U2AF1L4: variants seen among roughly 807,000 people sequenced by gnomAD.
The protein encoded by U2AF1L4 is U2 small nuclear RNA auxiliary factor 1 like 4.
A neutral mutation model predicts 21.7 loss-of-function variants in U2AF1L4; 21 were observed. The observed-to-expected ratio is 0.97, with a 90% CI of 0.69 to 1.39. The LOEUF is 1.39. Ranked by LOEUF, U2AF1L4 falls within the 40% of genes most tolerant of loss-of-function variation. The pLI is 0.00. For synonymous variants in U2AF1L4, 92 were observed against 89.7 expected (o/e 1.03, Z -0.15); for missense variants, 259 against 245.7 (o/e 1.05, Z -0.36).
chr19:35,743,620 G>A (rs950459241), intron 5 of U2AF1L4, 189 bp downstream of exon 5: 5 of 629,396 alleles, frequency 7.9e-6, no homozygotes, highest in African/African-American at 1.9e-5. Flanking sequence ...CCGGGAGGCG[G>A]AAGTTGCCAT....
At chr19:35,745,271 AACACCGCCCC>A in intron 1 of U2AF1L4, 59 bp from the exon 2 acceptor site, 2 of 1,601,734 alleles carry the variant, frequency 1.2e-6, no homozygotes, top group South Asian at 2.2e-5. Flanking sequence ...GCACCCCAGA[AACACCGCCCC>A]ACCACCCAGG....
chr19:35,744,701 A>C, intron 2 of U2AF1L4: 1 of 1,536,046 alleles, frequency 6.5e-7, no homozygotes, highest in South Asian at 1.2e-5. Flanking sequence ...GTCTGCACAG[A>C]ATTTAAAAGG....
At position 35,743,797 on chromosome 19, in the gene U2AF1L4, G is replaced by T; in HGVS notation, c.461+12C>A. 5 of 1,603,710 alleles carry T rather than the reference G, an allele frequency of 3.1e-6. No homozygotes were observed. The highest frequency in any genetic ancestry group is 4.3e-6 in the Non-Finnish European group (5 of 1,175,054). On this transcript the variant is annotated intron_variant, in intron 5 of 5. Transcript: ENST00000378975. The stretch of plus-strand genomic sequence containing the variant: ...GGACATGAGGAGACATAGCAGGCTG[G>T]TCCTGAGGTACCTGCGCCTGGGTCC...
At position 35,745,135 on chromosome 19, in the gene U2AF1L4, G is replaced by A; in HGVS notation, c.122C>T (p.Thr41Ile). The change falls in exon 2 of 6, where the codon ACA (threonine) becomes ATA (isoleucine). Residue 41 changes from threonine (T) to isoleucine (I), a missense_variant. Coordinates refer to ENST00000378975, the MANE Select transcript of U2AF1L4 (RefSeq NM_001040425.3). Reference sequence around the variant, plus strand: ...CGTGCCGGGTCTCACCTGGCTGAATGTCGGCTTGTTGTGAAGCCGGGAGCA... The same window carrying A: ...CGTGCCGGGTCTCACCTGGCTGAATATCGGCTTGTTGTGAAGCCGGGAGCA... ...DRCSRLHNKP[T>I]FSQEVFTELQ... The A allele has an allele frequency of 1.2e-6, 2 of 1,613,388 alleles. No individual in the cohort carries two copies. The highest frequency in any genetic ancestry group is 2.2e-5 in the East Asian group (1 of 44,878).
Position 35,743,736 on chromosome 19 carries a change from T to C in U2AF1L4, c.461+73A>G, listed in dbSNP as rs1482643591. The C allele has an allele frequency of 3.3e-6, 4 of 1,228,918 alleles. 1 individual carries two copies. Among genetic ancestry groups the C allele is most frequent in the Admixed American group, 3.9e-5 (2 of 50,932 alleles). The allele number at this position is 1,228,918 out of a possible 1,614,324, so 76.1% of individuals were successfully genotyped here. ...TTCTTGGGAACGTGGTTACTGGGGC[T>C]TAGGGTTAGGCTCATCTGAGGATAT... On this transcript the variant is annotated intron_variant, in intron 5 of 5. Coordinates refer to ENST00000378975, the MANE Select transcript of U2AF1L4 (RefSeq NM_001040425.3).
Position 35,742,808 on chromosome 19 carries a change from G to A in U2AF1L4, c.462-5C>T, listed in dbSNP as rs560222875. The A allele has an allele frequency of 2.5e-6, 4 of 1,609,150 alleles. No homozygotes were observed. The highest frequency in any genetic ancestry group is 1.3e-5 in the African/African-American group (1 of 74,946). On this transcript the variant is annotated splice_polypyrimidine_tract_variant and splice_region_variant and intron_variant, in intron 5 of 5. Transcript: ENST00000378975. ...GTATGGAACCTCGGGGGTGACCTGGGAATAGGAGCGTTGAGAGTTCTGTTA... is the reference window on the plus strand; with the variant it reads ...GTATGGAACCTCGGGGGTGACCTGGAAATAGGAGCGTTGAGAGTTCTGTTA...
At chr19:35,744,452 C>T in intron 2 of U2AF1L4, 31 bp from the exon 3 acceptor site, 1 of 1,613,746 alleles carries the variant, frequency 6.2e-7, no homozygotes, top group Non-Finnish European at 8.5e-7. Flanking sequence ...CTCAGCTGAG[C>T]TCCCACAAGA....
rs747653828 is a variant in U2AF1L4, at chr19:35,742,774, T to C, written c.491A>G (p.His164Arg). 9.9e-6 allele frequency: 16 copies of C among 1,610,570 alleles called. No individual in the cohort carries two copies. Among genetic ancestry groups the C allele is most frequent in the Non-Finnish European group, 1.4e-5 (16 of 1,179,366 alleles). The change falls in exon 6 of 6, where the codon CAT (histidine) becomes CGT (arginine). Residue 164 changes from histidine (H) to arginine (R), a missense_variant. Coordinates refer to ENST00000378975, the MANE Select transcript of U2AF1L4 (RefSeq NM_001040425.3). ...ACACCGATGGTTCCTCTCTCGGGGA[T>C]GGTGGCCAGTATGGAACCTCGGGGG... Reference protein sequence around the residue: ...RSPPRFHTGHHPRERNHRCSP... With the variant: ...RSPPRFHTGHRPRERNHRCSP...
intron 5 of U2AF1L4, 146 bp downstream of exon 5, chr19:35,743,663 G>T: frequency 1.3e-6 from 1 of 771,772 alleles, no homozygotes; most frequent in Non-Finnish European, 2.1e-6. Flanking sequence ...CTCCAGCCTG[G>T]GCAACAGAGT....
At chr19:35,743,628 CA>C (rs1970390097) in intron 5 of U2AF1L4, 180 bp downstream of exon 5, 2 of 643,434 alleles carry the variant, frequency 3.1e-6, no homozygotes, top group Non-Finnish European at 5.4e-6. Context: ...CGGAAGTTGC[CA>C]TGAACCAAGA....
At chr19:35,744,985 C>A in intron 2 of U2AF1L4, 140 bp downstream of exon 2, 1 of 854,638 alleles carries the variant, frequency 1.2e-6, no homozygotes, top group Non-Finnish European at 1.8e-6. Context: ...GAGGAGCCTG[C>A]AGAAAGGTCC....
rs3746279 is a variant in U2AF1L4 at position 35,742,562 on chromosome 19, C to T, written c.*157G>A. 3.7e-3 allele frequency: 5,893 copies of T among 1,613,556 alleles called. 317 individuals are homozygous for T. In the East Asian group the frequency reaches 0.12, roughly 32 times the overall value. ...AGTGAAACACGCAGCTTTATTAAGA[C>T]AGGGGCGGTAGAAGAAGGTCTCCAT... On this transcript the variant is annotated 3_prime_UTR_variant, in exon 6 of 6. Coordinates refer to ENST00000378975, the MANE Select transcript of U2AF1L4 (RefSeq NM_001040425.3).
At position 35,743,057 on chromosome 19, in the gene U2AF1L4, A is replaced by G. The variant is rs1036870362; in HGVS notation, c.462-254T>C. ...AGGTACTGGTCTCCAGATGGAGCTC[A>G]GAACTACTCTTAGGGTATAAGAGTC... On this transcript the variant is annotated intron_variant, in intron 5 of 5. Coordinates refer to ENST00000378975, the MANE Select transcript of U2AF1L4 (RefSeq NM_001040425.3). 7.0e-6 allele frequency: 4 copies of G among 570,494 alleles called. No homozygotes were observed. In the Admixed American group the frequency reaches 1.0e-4, roughly 14 times the overall value. 35.3% of individuals were successfully genotyped at this position (570,494 alleles called of 1,614,324 possible). A position where few individuals can be genotyped will look rare whatever the true frequency, so the allele number is the denominator to read the frequency against.
Position 35,744,049 on chromosome 19 carries a change from C to T in U2AF1L4, c.328G>A (p.Asp110Asn), listed in dbSNP as rs769767068. The change falls in exon 4 of 6, where the codon GAC becomes AAC. Residue 110 changes from aspartate to asparagine, a missense_variant. Transcript: ENST00000378975. ...AVHGELSPVT[D>N]FRESCCRQYE... ...TGGCGACAGCATGACTCCCGGAAGT[C>T]AGTGACAGGAGACAGCTCACCGTGC... is the stretch of plus-strand genomic sequence containing the variant. 5.4e-5 allele frequency: 87 copies of T among 1,613,928 alleles called. 1 individual carries two copies. In the South Asian group the frequency reaches 9.2e-4, roughly 17 times the overall value.
At chr19:35,745,061 G>T (rs1970505119) in intron 2 of U2AF1L4, 64 bp downstream of exon 2, 2 of 1,501,934 alleles carry the variant, frequency 1.3e-6, no homozygotes, top group African/African-American at 1.4e-5. Context: ...ACATGGTGAC[G>T]ACGGCCCCAG....
At position 35,745,109 on chromosome 19, in the gene U2AF1L4, C is replaced by T. The variant is rs368727998; in HGVS notation, c.132+16G>A. 3.0e-5 allele frequency: 48 copies of T among 1,611,486 alleles called. No individual in the cohort carries two copies. The African/African-American group carries it at 6.0e-4, about 20-fold the overall frequency. On this transcript the variant is annotated intron_variant, in intron 2 of 5. Transcript: ENST00000378975. The stretch of plus-strand genomic sequence containing the variant: ...CAGGGAGCCGTTAACCCCCGAGGCT[C>T]CGTGCCGGGTCTCACCTGGCTGAAT...
chr19:35,743,721 C>T (rs1323492598), intron 5 of U2AF1L4, 88 bp downstream of exon 5: 20 of 933,844 alleles, frequency 2.1e-5, no homozygotes, highest in South Asian at 3.0e-5. Flanking sequence ...TTCTTGGGAA[C>T]GTGGTTACTG....
At position 35,743,894 on chromosome 19, in the gene U2AF1L4, G is replaced by A. The variant is rs756120803; in HGVS notation, c.376C>T (p.Arg126Ter). 1.9e-6 allele frequency: 3 copies of A among 1,613,582 alleles called. No individual in the cohort carries two copies. Among genetic ancestry groups the A allele is most frequent in the East Asian group, 2.2e-5 (1 of 44,872 alleles). The stretch of plus-strand genomic sequence containing the variant: ...TGCATGAAGTTGCAGAAGCCACCTC[G>A]GGTACATTCCCTGCATAGAGGGTAG... The part of the protein sequence containing the change: ...CRQYEMGECT[R>*]GGFCNFMHLR... Residue 126 changes from arginine (R) to a stop codon, truncating the protein, a stop_gained, in exon 5 of 6, where the codon CGA becomes TGA. Transcript: ENST00000378975. LOFTEE classifies it high-confidence loss of function.
At chr19:35,744,264 C>A (rs1387504895) in intron 3 of U2AF1L4, 59 bp downstream of exon 3, 1 of 1,608,206 alleles carries the variant, frequency 6.2e-7, no homozygotes, top group East Asian at 2.2e-5. Flanking sequence ...CCTACAGTGG[C>A]CACCATCAGG....
Sources: allele counts gnomAD v4.1 joint callset, GRCh38; gene constraint gnomAD v4.1.1; transcripts MANE v1.5; gene names NCBI Gene and HGNC (gene_info 2026-07-23, HGNC 2026-07-21).